PKLR: variants seen among roughly 807,000 people sequenced by gnomAD.
PKLR encodes the protein pyruvate kinase L/R.
Under a neutral mutation model 53.6 loss-of-function variants are expected in PKLR, and 38 were observed. That is an observed-to-expected ratio of 0.71 (90% CI 0.55 to 0.93). The LOEUF is 0.93. Ranked by LOEUF, PKLR falls within the 40% of genes least tolerant of loss-of-function variation. The pLI is 0.00. For synonymous variants in PKLR, 328 were observed against 316.2 expected (o/e 1.04, Z -0.39); for missense variants, 702 against 787.3 (o/e 0.89, Z 1.30).
chr1:155,302,601 G>C (rs1009434272), upstream of PKLR, among the ~76,000 whole-genome samples: 6 of 151,972 alleles, frequency 3.9e-5, no homozygotes, highest in African/African-American at 1.4e-4. Flanking sequence ...TCCAACTCCT[G>C]GCCTCAAGTA....
upstream of PKLR, among the ~76,000 whole-genome samples, chr1:155,304,873 G>A (rs1057270320): frequency 5.9e-5 from 9 of 152,306 alleles, no homozygotes; most frequent in Middle Eastern, 6.8e-3. Flanking sequence ...TTATCATTGT[G>A]ACAACCTAGA....
rs1264960162 is a variant in PKLR, at chr1:155,299,024, TTCTTTCTTTC to T, written c.283+1064_283+1073del. Among the ~76,000 whole-genome samples, 104 of 66,252 alleles carry T rather than the reference TTCTTTCTTTC, an allele frequency of 1.6e-3. 2 individuals carry two copies. The highest frequency in any genetic ancestry group is 6.0e-3 in the East Asian group (5 of 840). 43.5% of individuals were successfully genotyped at this position (66,252 alleles called of 152,430 possible). ...TTTCTTTCTTTCTTTCTTTCTTTCTTTCTTTCTTTCTCTTTCTTTCTTTCTTTCCTTCCTT... is the reference window on the plus strand; with the variant it reads ...TTTCTTTCTTTCTTTCTTTCTTTCTTTCTTTCTTTCTTTCTTTCCTTCCTT... On this transcript the variant is annotated intron_variant, in intron 2 of 10. Coordinates refer to ENST00000342741, the MANE Select transcript of PKLR (RefSeq NM_000298.6).
chr1:155,295,498 C>G lies in PKLR; in HGVS notation c.446G>C (p.Arg149Pro). Residue 149 changes from arginine (R) to proline (P), a missense_variant, in exon 4 of 11, where the codon CGG (arginine) becomes CCG (proline). Arg to Pro is a moderately radical substitution (Grantham distance 103). This residue lies in a region of PKLR where 519 missense variants were observed against 537.1 expected (regional missense o/e 0.97). Coordinates refer to ENST00000342741, the MANE Select transcript of PKLR (RefSeq NM_000298.6). The surrounding 1 kb of genome is among the most constrained non-coding windows in gnomAD (Gnocchi z 4.3). ...GGTGTCCAGGGCGATGGCCACGGGC[C>G]GGTAGCTGAGTGGGGAACCTGCAAA... Reference protein sequence around the residue: ...ESFAGSPLSYRPVAIALDTKG... With the variant: ...ESFAGSPLSYPPVAIALDTKG... 6.2e-7 allele frequency: 1 copy of G among 1,610,586 alleles called. No individual in the cohort carries two copies. The highest frequency in any genetic ancestry group is 2.2e-5 in the East Asian group (1 of 44,724).
At chr1:155,301,797 C>G (rs1403776185), upstream of PKLR, among the ~76,000 whole-genome samples, 1 of 152,062 alleles carries the variant, frequency 6.6e-6, no homozygotes, top group East Asian at 1.9e-4. Flanking sequence ...GAGGGTTACC[C>G]AGTTCTGACC....
intron 5 of PKLR, 50 bp from the exon 6 acceptor site, chr1:155,294,802 AG>A (rs1557959620): frequency 6.2e-7 from 1 of 1,608,702 alleles, no homozygotes; most frequent in Non-Finnish European, 8.5e-7. Context: ...GACGGGGCAC[AG>A]TTGCAGCAGA....
intron 1 of PKLR, chr1:155,301,050 G>A: frequency 1.9e-6 from 3 of 1,542,054 alleles, no homozygotes; most frequent in Non-Finnish European, 2.6e-6. Context: ...CCAGGGGCCA[G>A]AGTCCAGGAA....
At chr1:155,297,136 C>T (rs1647644679) in intron 2 of PKLR, among the ~76,000 whole-genome samples, 1 of 152,196 alleles carries the variant, frequency 6.6e-6, no homozygotes, top group Non-Finnish European at 1.5e-5. Flanking sequence ...ACCTACACTC[C>T]TTTGGTGGTC....
In PKLR at chr1:155,295,149, C is replaced by T; in HGVS notation, c.661G>A (p.Asp221Asn). Reference protein sequence around the residue: ...VPVGGRIYIDDGLISLVVQKI... With the variant: ...VPVGGRIYIDNGLISLVVQKI... ...TGGACCACTAGGGAGATGAGCCCGT[C>T]GTCAATGTAGATGCGGCCCCCCACC... The change falls in exon 5 of 11, where the codon GAC (aspartate) becomes AAC (asparagine). Residue 221 changes from aspartate to asparagine, a missense_variant. Physicochemically the swap from Asp to Asn is conservative, Grantham distance 23. This residue lies in a region of PKLR where 519 missense variants were observed against 537.1 expected (regional missense o/e 0.97). Transcript: ENST00000342741. The surrounding 1 kb of genome is among the most constrained non-coding windows in gnomAD (Gnocchi z 4.3). 1 of 1,614,126 alleles carries T rather than the reference C, an allele frequency of 6.2e-7. No homozygotes were observed. Among genetic ancestry groups the T allele is most frequent in the Non-Finnish European group, 8.5e-7 (1 of 1,179,994 alleles).
chr1:155,304,694 G>A (rs564841243), upstream of PKLR, among the ~76,000 whole-genome samples: 32 of 152,266 alleles, frequency 2.1e-4, no homozygotes, highest in Non-Finnish European at 3.7e-4. Context: ...CTGAGACTAC[G>A]GAAGAAATAG....
At chr1:155,291,216 A>T (rs928410676) in intron 10 of PKLR, among the ~76,000 whole-genome samples, 2 of 151,940 alleles carry the variant, frequency 1.3e-5, no homozygotes, top group Non-Finnish European at 2.9e-5. Flanking sequence ...GGTGTAAGAG[A>T]TGCCAGCACG....
In PKLR at chr1:155,295,388, G is replaced by GAA. The variant is rs775907326; in HGVS notation, c.507+48_507+49insTT. On this transcript the variant is annotated intron_variant, in intron 4 of 10. Coordinates refer to ENST00000342741, the MANE Select transcript of PKLR (RefSeq NM_000298.6). The surrounding 1 kb of genome is among the most constrained non-coding windows in gnomAD (Gnocchi z 4.3). ...CCCACGCCTGGGCCCAACCCTACAG[G>GAA]CGCCGCCTTTCCGGCCCTGGCCCAG... 1 of 1,612,716 alleles carries GAA rather than the reference G, an allele frequency of 6.2e-7. No individual in the cohort carries two copies. The highest frequency in any genetic ancestry group is 1.1e-5 in the South Asian group (1 of 91,050).
upstream of PKLR, among the ~76,000 whole-genome samples, chr1:155,303,531 A>G (rs950447856): frequency 6.6e-6 from 1 of 152,266 alleles, no homozygotes; most frequent in African/African-American, 2.4e-5. Flanking sequence ...AGAAATAAAT[A>G]TGTAACTACA....
chr1:155,301,279 C>T lies in PKLR; in HGVS notation c.100+17G>A. 1.2e-6 allele frequency: 2 copies of T among 1,613,826 alleles called. No individual in the cohort carries two copies. Among genetic ancestry groups the T allele is most frequent in the Non-Finnish European group, 1.7e-6 (2 of 1,179,704 alleles). ...ATTTTCCTCCTATGTTCCATGGCTT[C>T]TGTCTCCCCTTCTTACCTCCTGGAG... is the stretch of plus-strand genomic sequence containing the variant. On this transcript the variant is annotated intron_variant, in intron 1 of 10. Coordinates refer to ENST00000342741, the MANE Select transcript of PKLR (RefSeq NM_000298.6).
upstream of PKLR, among the ~76,000 whole-genome samples, chr1:155,302,222 T>TTTTTC (rs1169677819): frequency 6.7e-6 from 1 of 148,190 alleles, no homozygotes; most frequent in Non-Finnish European, 1.5e-5. Context: ...TTGTTTTTCT[T>TTTTTC]TTTTCTTTTC....
the PKLR span, among the ~76,000 whole-genome samples, chr1:155,307,104 G>A: frequency 2.6e-5 from 4 of 152,102 alleles, no homozygotes; most frequent in Non-Finnish European, 5.9e-5. Flanking sequence ...TAGTAGAGAT[G>A]GGGTTTCACT....
At chr1:155,296,057 G>A (rs1399608242) in intron 2 of PKLR, among the ~76,000 whole-genome samples, 3 of 152,304 alleles carry the variant, frequency 2.0e-5, no homozygotes, top group African/African-American at 4.8e-5. Flanking sequence ...CTGCTTGCCC[G>A]GCTACCCCAG....
In PKLR at chr1:155,295,732, C is replaced by A; in HGVS notation, c.308G>T (p.Arg103Leu). Residue 103 changes from arginine (R) to leucine (L), a missense_variant, in exon 3 of 11, where the codon CGC becomes CTC. Physicochemically the swap from Arg to Leu is moderately radical, Grantham distance 102 (BLOSUM62 -2). This residue lies in a region of PKLR where 519 missense variants were observed against 537.1 expected (regional missense o/e 0.97). Transcript: ENST00000342741. The surrounding 1 kb of genome is among the most constrained non-coding windows in gnomAD (Gnocchi z 4.3). Reference sequence around the variant, plus strand: ...CCCGGCCTTGATCATCTCCTTGAGGCGCTCCACGGAGCGAGATGCTGGCCC... The same window carrying A: ...CCCGGCCTTGATCATCTCCTTGAGGAGCTCCACGGAGCGAGATGCTGGCCC... ...TIGPASRSVE[R>L]LKEMIKAGMN... The A allele has an allele frequency of 1.2e-6, 2 of 1,614,056 alleles. No homozygotes were observed. Among genetic ancestry groups the A allele is most frequent in the Non-Finnish European group, 1.7e-6 (2 of 1,179,942 alleles).
chr1:155,306,983 C>T, the PKLR span, among the ~76,000 whole-genome samples: 1 of 152,156 alleles, frequency 6.6e-6, no homozygotes, highest in African/African-American at 2.4e-5. The surrounding 1 kb of genome is among the most constrained non-coding windows in gnomAD (Gnocchi z 4.2). Flanking sequence ...GGAGCGATCT[C>T]GGTTCACCAC....
In PKLR at chr1:155,293,240, C is replaced by G. The variant is rs755522396; in HGVS notation, c.1373G>C (p.Gly458Ala). ...SRDPTEVTAI[G>A]AVEAAFKCCA... ...GCACTTGAAGGCAGCCTCCACAGCA[C>G]CAATGGCGGTGACCTCAGTGGGATC... Residue 458 changes from glycine to alanine, a missense_variant, in exon 9 of 11, where the codon GGT becomes GCT. Physicochemically the swap from Gly to Ala is moderately conservative, Grantham distance 60. This residue lies in a region of PKLR where 183 missense variants were observed against 250.2 expected (regional missense o/e 0.73). Coordinates refer to ENST00000342741, the MANE Select transcript of PKLR (RefSeq NM_000298.6). The surrounding 1 kb of genome is among the most constrained non-coding windows in gnomAD (Gnocchi z 4.2). The G allele has an allele frequency of 6.2e-7, 1 of 1,614,088 alleles. No homozygotes were observed. Among genetic ancestry groups the G allele is most frequent in the Non-Finnish European group, 8.5e-7 (1 of 1,180,056 alleles).
Sources: allele counts gnomAD v4.1 joint callset (sites outside exome capture counted in the v4.1 genomes callset), GRCh38; gene constraint gnomAD v4.1.1; regional missense constraint gnomAD v4.1.1; non-coding constraint Gnocchi (gnomAD v3.1); transcripts MANE v1.5; gene names NCBI Gene and HGNC (gene_info 2026-07-23, HGNC 2026-07-21).